The following GRM3 variants were observed in gnomAD, a reference collection of about 807,000 sequenced individuals.
The protein encoded by GRM3 is metabotropic glutamate receptor 3.
In GRM3, 26 loss-of-function variants were observed where a neutral mutation model predicts 70.5. The observed-to-expected ratio is 0.37, with a 90% CI of 0.27 to 0.51. GRM3 has a LOEUF of 0.51. Ranked by LOEUF, GRM3 falls within the 20% of genes least tolerant of loss-of-function variation. GRM3 has a pLI of 0.93. For synonymous variants in GRM3, 443 were observed against 434.9 expected, an observed-to-expected ratio of 1.02 and a Z score of -0.23; for missense variants, 859 against 1,123.8, an observed-to-expected ratio of 0.76 and a Z score of 3.37.
chr7:86,850,706 G>A (rs1159369553), intron 5 of GRM3, among the ~76,000 whole-genome samples, 162 bp downstream of exon 5: 1 of 152,124 alleles, frequency 6.6e-6, no homozygotes, highest in East Asian at 1.9e-4. Flanking sequence ...CTAAGTGCTG[G>A]GGATTCAGTA....
chr7:86,821,307 C>T (rs1199908615), intron 3 of GRM3, among the ~76,000 whole-genome samples: 1 of 152,112 alleles, frequency 6.6e-6, no homozygotes, highest in East Asian at 1.9e-4. Context: ...AGACCTACAC[C>T]ATTAACTAAA....
intron 5 of GRM3, among the ~76,000 whole-genome samples, chr7:86,861,000 C>T (rs555100494): frequency 5.3e-4 from 81 of 152,254 alleles, no homozygotes; most frequent in Admixed American, 3.2e-3. Context: ...CCTCTTCAAT[C>T]GCTAAAATTT....
intron 1 of GRM3, among the ~76,000 whole-genome samples, chr7:86,654,795 A>C (rs1793693806): frequency 6.6e-6 from 1 of 152,230 alleles, no homozygotes; most frequent in African/African-American, 2.4e-5. Context: ...CTTATTCATC[A>C]GAAATTTAAT....
At chr7:86,665,506 A>G (rs1287970390) in intron 1 of GRM3, among the ~76,000 whole-genome samples, 1 of 152,082 alleles carries the variant, frequency 6.6e-6, no homozygotes, top group Non-Finnish European at 1.5e-5. Flanking sequence ...TTGCCCTAGT[A>G]GTAACAATAT....
At chr7:86,798,153 C>T (rs763619516) in intron 3 of GRM3, among the ~76,000 whole-genome samples, 108 of 152,292 alleles carry the variant, frequency 7.1e-4, no homozygotes, top group Admixed American at 1.4e-3. Flanking sequence ...GGAGTATGAG[C>T]CCCCACACAG....
At chr7:86,835,558 C>T (rs1303727281) in intron 3 of GRM3, among the ~76,000 whole-genome samples, 1 of 152,006 alleles carries the variant, frequency 6.6e-6, no homozygotes, top group Non-Finnish European at 1.5e-5. Flanking sequence ...ATCTTTCCAA[C>T]ATATATATAT....
intron 1 of GRM3, among the ~76,000 whole-genome samples, chr7:86,668,904 A>C (rs1263943506): frequency 6.6e-6 from 1 of 152,174 alleles, no homozygotes; most frequent in Non-Finnish European, 1.5e-5. Flanking sequence ...TGAAATTTAC[A>C]AATGTCCAGA....
rs145123146 is a variant in GRM3 at position 86,773,069 on chromosome 7, A to C, written c.468+7456A>C. On this transcript the variant is annotated intron_variant, in intron 2 of 5. Coordinates refer to ENST00000361669, the MANE Select transcript of GRM3 (RefSeq NM_000840.3). ...TACATAGGTATATTGTGTGTTGCTG[A>C]GGTTTGGGGTACAAATGATCCTGGC... is the stretch of plus-strand genomic sequence containing the variant. Among the ~76,000 whole-genome samples, 704 of 151,850 alleles carry C rather than the reference A, an allele frequency of 4.6e-3. 8 individuals carry two copies. The highest frequency in any genetic ancestry group is 0.016 in the African/African-American group (668 of 41,400).
intron 1 of GRM3, among the ~76,000 whole-genome samples, chr7:86,727,990 C>CTAAA (rs1795631024): frequency 6.6e-6 from 1 of 152,152 alleles, no homozygotes; most frequent in Non-Finnish European, 1.5e-5. Flanking sequence ...AACCCATGAG[C>CTAAA]TAAACATCAA....
At chr7:86,732,604 A>T (rs1041778416) in intron 1 of GRM3, among the ~76,000 whole-genome samples, 29 of 152,334 alleles carry the variant, frequency 1.9e-4, no homozygotes, top group African/African-American at 6.7e-4. Flanking sequence ...CCAAGGATTA[A>T]CTAAGTTCAT....
rs187767705 is a variant in GRM3, at chr7:86,775,350, A to C, written c.468+9737A>C. The C allele has an allele frequency of 1.2e-3, 184 of 152,226 alleles. 2 individuals carry two copies. The highest frequency in any genetic ancestry group is 4.3e-3 in the African/African-American group (178 of 41,556). The allele number at this position is 152,226 out of a possible 1,614,324, so 9.4% of individuals were successfully genotyped here. A position where few individuals can be genotyped will look rare whatever the true frequency, so the allele number is the denominator to read the frequency against. ...CTACCAATGAAATAAAATAGTTTCA[A>C]GTAGGCTCCATTTGTTTTAAAGCTC... On this transcript the variant is annotated intron_variant, in intron 2 of 5. Transcript: ENST00000361669.
At chr7:86,754,119 G>C (rs1212334066) in intron 1 of GRM3, among the ~76,000 whole-genome samples, 2 of 152,108 alleles carry the variant, frequency 1.3e-5, no homozygotes, top group African/African-American at 4.8e-5. Flanking sequence ...TCTATCTGAT[G>C]AGATCAGGAT....
chr7:86,698,063 T>A (rs1794858299), intron 1 of GRM3, among the ~76,000 whole-genome samples: 1 of 152,168 alleles, frequency 6.6e-6, no homozygotes, highest in Non-Finnish European at 1.5e-5. Flanking sequence ...CAATGTTGTC[T>A]ATTCATGGGC....
At chr7:86,793,503 C>T (rs1163546468) in intron 3 of GRM3, among the ~76,000 whole-genome samples, 2 of 152,196 alleles carry the variant, frequency 1.3e-5, no homozygotes, top group Non-Finnish European at 2.9e-5. Flanking sequence ...CTTGTTCCAG[C>T]TCTGCTGATC....
chr7:86,828,777 A>G (rs1259080432), intron 3 of GRM3, among the ~76,000 whole-genome samples: 1 of 152,208 alleles, frequency 6.6e-6, no homozygotes, highest in Non-Finnish European at 1.5e-5. Flanking sequence ...AGTTTGCCAC[A>G]ATAATTGAAT....
intron 3 of GRM3, among the ~76,000 whole-genome samples, chr7:86,789,674 T>G (rs1797358013): frequency 6.6e-6 from 1 of 152,252 alleles, no homozygotes; most frequent in South Asian, 2.1e-4. Flanking sequence ...AGTCTTCTTC[T>G]GGCTATTTGC....
chr7:86,843,270 T>G (rs998487984), intron 4 of GRM3, among the ~76,000 whole-genome samples: 5 of 152,192 alleles, frequency 3.3e-5, no homozygotes, highest in African/African-American at 1.2e-4. Context: ...AAACAGAGCA[T>G]AATGACCTTC....
At chr7:86,654,330 A>G (rs1793679826) in intron 1 of GRM3, among the ~76,000 whole-genome samples, 1 of 152,204 alleles carries the variant, frequency 6.6e-6, no homozygotes, top group South Asian at 2.1e-4. Context: ...CCACTCTCCC[A>G]AATATTTTAA....
intron 1 of GRM3, among the ~76,000 whole-genome samples, chr7:86,753,826 G>C (rs753961306): frequency 3.9e-5 from 6 of 151,992 alleles, no homozygotes; most frequent in Non-Finnish European, 8.8e-5. Context: ...TCAAATCTTG[G>C]GAACTTATGG....
Sources: allele counts gnomAD v4.1 joint callset (sites outside exome capture counted in the v4.1 genomes callset), GRCh38; gene constraint gnomAD v4.1.1; transcripts MANE v1.5; gene names NCBI Gene and HGNC (gene_info 2026-07-23, HGNC 2026-07-21).